ITGA2: variants seen among roughly 807,000 people sequenced by gnomAD.
ITGA2 encodes integrin alpha-2.
In ITGA2, 101 loss-of-function variants were observed where a neutral mutation model predicts 146.3. That is an observed-to-expected ratio of 0.69 (90% CI 0.59 to 0.81). The LOEUF (loss-of-function observed/expected upper bound fraction) is 0.81, where lower values mean the gene tolerates loss of function less well. Among genes scored for constraint, ITGA2 ranks in the 40% least tolerant of loss-of-function variants. The probability of loss-of-function intolerance (pLI) is 0.00; values close to 1 mark genes in which losing one functional copy is unlikely to be tolerated. For synonymous variants in ITGA2, 477 were observed against 487.1 expected, an observed-to-expected ratio of 0.98 and a Z score of 0.27; for missense variants, 1,281 against 1,402.7, an observed-to-expected ratio of 0.91 and a Z score of 1.39.
At chr5:52,993,796 A>T (rs1741089296) in intron 1 of ITGA2, among the ~76,000 whole-genome samples, 1 of 152,216 alleles carries the variant, frequency 6.6e-6, no homozygotes, top group South Asian at 2.1e-4. Flanking sequence ...GGCATCACAT[A>T]AATTCTACCA....
intron 28 of ITGA2, chr5:53,089,077 G>T (rs1225111045): frequency 1.3e-5 from 2 of 152,152 alleles, no homozygotes; most frequent in Non-Finnish European, 2.9e-5. Flanking sequence ...AGCTCTTGAA[G>T]ATACAAATGA....
intron 3 of ITGA2, 38 bp downstream of exon 3, chr5:53,042,259 T>C (rs760803267): frequency 2.5e-6 from 3 of 1,213,326 alleles, no homozygotes; most frequent in Non-Finnish European, 3.7e-6. Flanking sequence ...GTGATTTGTC[T>C]TAGACTCAAC....
intron 4 of ITGA2, among the ~76,000 whole-genome samples, chr5:53,045,869 T>C (rs184527097): frequency 1.2e-3 from 186 of 151,614 alleles, no homozygotes; most frequent in African/African-American, 4.5e-3. Context: ...CATATAGGTA[T>C]GTGTATGTAT....
In ITGA2 at chr5:53,042,201, G is replaced by A; in HGVS notation, c.275G>A (p.Cys92Tyr). ...CCTGTTGACCTATCCACTGCCACAT[G>A]TGAAAAACTAAATTTGCAAAGTAAG... is the stretch of plus-strand genomic sequence containing the variant. ...KCPVDLSTAT[C>Y]EKLNLQTSTS... The change falls in exon 3 of 30, where the codon TGT becomes TAT. Residue 92 changes from cysteine (C) to tyrosine (Y), a missense_variant. Physicochemically the swap from Cys to Tyr is radical, Grantham distance 194 (BLOSUM62 -2). Transcript: ENST00000296585. 1 of 1,610,442 alleles carries A rather than the reference G, an allele frequency of 6.2e-7. No individual in the cohort carries two copies. Among genetic ancestry groups the A allele is most frequent in the Non-Finnish European group, 8.5e-7 (1 of 1,176,656 alleles).
chr5:53,081,536 G>T, intron 25 of ITGA2, 56 bp from the exon 26 acceptor site: 2 of 1,326,824 alleles, frequency 1.5e-6, no homozygotes, highest in East Asian at 2.4e-5. Context: ...CATGTTGAAA[G>T]GAACATCATA....
At chr5:53,055,839 A>G in intron 8 of ITGA2, 145 bp from the exon 9 acceptor site, 2 of 1,248,540 alleles carry the variant, frequency 1.6e-6, no homozygotes, top group South Asian at 1.2e-5. Context: ...ATGATTTTCA[A>G]TCCTGTCTAC....
chr5:53,054,355 T>C (rs887520671), intron 7 of ITGA2, among the ~76,000 whole-genome samples: 2 of 152,190 alleles, frequency 1.3e-5, no homozygotes, highest in African/African-American at 4.8e-5. Context: ...AAGATTTAAC[T>C]TTCCCGACTG....
At position 53,067,164 on chromosome 5, in the gene ITGA2, G is replaced by GA. The variant is rs754302389; in HGVS notation, c.1996dup (p.Ile666AsnfsTer24). ...AGCTATAGAAGCTTCATTCACACCA[G>GA]AAAAAATCACTTTGGTCAACAAGAA... On this transcript the variant is annotated frameshift_variant, in exon 16 of 30. Coordinates refer to ENST00000296585, the MANE Select transcript of ITGA2 (RefSeq NM_002203.4). LOFTEE classifies it high-confidence loss of function. 2.5e-6 allele frequency: 4 copies of GA among 1,611,330 alleles called. No individual in the cohort carries two copies. Among genetic ancestry groups the GA allele is most frequent in the East Asian group, 2.2e-5 (1 of 44,622 alleles).
At chr5:53,037,758 G>T (rs1743558908) in intron 2 of ITGA2, among the ~76,000 whole-genome samples, 2 of 152,060 alleles carry the variant, frequency 1.3e-5, no homozygotes, top group Non-Finnish European at 2.9e-5. Flanking sequence ...TTATTAATGT[G>T]GTTCACAATA....
intron 28 of ITGA2, 145 bp from the exon 29 acceptor site, chr5:53,089,801 A>G: frequency 7.1e-6 from 5 of 702,970 alleles, no homozygotes; most frequent in South Asian, 6.3e-5. Flanking sequence ...TATTCTGACA[A>G]TGTTTGAGAT....
rs575476196 is a variant in ITGA2 at position 53,029,955 on chromosome 5, C to T, written c.185+3087C>T. Among the ~76,000 whole-genome samples the T allele has an allele frequency of 1.7e-3, 252 of 152,240 alleles. 2 individuals are homozygous for T. The highest frequency in any genetic ancestry group is 5.6e-3 in the African/African-American group (232 of 41,538). On this transcript the variant is annotated intron_variant, in intron 2 of 29. Coordinates refer to ENST00000296585, the MANE Select transcript of ITGA2 (RefSeq NM_002203.4). Reference sequence around the variant, plus strand: ...TGGCCTAGCTGAGGACATCTGGCACCGAGTTTGAAGCAATTCTTTTAAGTA... The same window carrying T: ...TGGCCTAGCTGAGGACATCTGGCACTGAGTTTGAAGCAATTCTTTTAAGTA...
intron 28 of ITGA2, chr5:53,088,906 C>T (rs1740270806): frequency 6.6e-6 from 1 of 152,136 alleles, no homozygotes; most frequent in African/African-American, 2.4e-5. Context: ...ACTTAAAAAT[C>T]TGATCCACAA....
chr5:53,072,745 CTAGAT>C, intron 19 of ITGA2, 50 bp downstream of exon 19: 4 of 1,367,280 alleles, frequency 2.9e-6, no homozygotes, highest in Non-Finnish European at 4.1e-6. Context: ...AAAAGACATA[CTAGAT>C]TACTTTATTC....
chr5:53,081,541 A>T (rs1183904806), intron 25 of ITGA2, 51 bp from the exon 26 acceptor site: 4 of 1,366,518 alleles, frequency 2.9e-6, no homozygotes, highest in Non-Finnish European at 4.1e-6. Context: ...TGAAAGGAAC[A>T]TCATAAACTG....
At chr5:53,029,659 T>A (rs1743131791) in intron 2 of ITGA2, among the ~76,000 whole-genome samples, 1 of 152,236 alleles carries the variant, frequency 6.6e-6, no homozygotes, top group Non-Finnish European at 1.5e-5. Context: ...TCTTAAATGA[T>A]CTATACTTGT....
rs1745236702 is a variant in ITGA2, at chr5:53,068,317, C to T, written c.2083+1060C>T. Among the ~76,000 whole-genome samples the T allele has an allele frequency of 1.3e-5, 2 of 151,864 alleles. 1 individual carries two copies. The highest frequency in any genetic ancestry group is 4.1e-4 in the South Asian group (2 of 4,824). ...TGACCCAATTTTGAGTAGCATATGT[C>T]ACTTGACCTGCCATGTAGCACATCT... is the stretch of plus-strand genomic sequence containing the variant. On this transcript the variant is annotated intron_variant, in intron 16 of 29. Transcript: ENST00000296585.
chr5:53,078,612 G>A (rs1290267702), intron 23 of ITGA2, among the ~76,000 whole-genome samples, 160 bp from the exon 24 acceptor site: 1 of 152,120 alleles, frequency 6.6e-6, no homozygotes, highest in African/African-American at 2.4e-5. Flanking sequence ...TACATTGGAC[G>A]ATAAGCCCAT....
At chr5:53,077,207 A>G (rs1402797582) in intron 23 of ITGA2, among the ~76,000 whole-genome samples, 1 of 152,102 alleles carries the variant, frequency 6.6e-6, no homozygotes, top group Non-Finnish European at 1.5e-5. Flanking sequence ...CCAATTCAAT[A>G]TTAACAAGAC....
intron 3 of ITGA2, among the ~76,000 whole-genome samples, chr5:53,043,196 G>T (rs902795439): frequency 2.6e-4 from 39 of 148,238 alleles, no homozygotes; most frequent in African/African-American, 9.4e-4. Context: ...TGAACACTCA[G>T]TATATATATA....
Sources: allele counts gnomAD v4.1 joint callset (sites outside exome capture counted in the v4.1 genomes callset), GRCh38; gene constraint gnomAD v4.1.1; transcripts MANE v1.5; gene names NCBI Gene and HGNC (gene_info 2026-07-23, HGNC 2026-07-21).